RORB: variants seen among roughly 807,000 people sequenced by gnomAD.
RORB encodes the protein RAR related orphan receptor B, also known as nuclear receptor ROR-beta.
RORB carries 6 observed loss-of-function variants against 59.1 expected under a neutral mutation model. That is an observed-to-expected ratio of 0.10 (90% CI 0.06 to 0.20). The LOEUF is 0.20. Ranked by LOEUF, RORB falls within the 10% of genes least tolerant of loss-of-function variation. The pLI, the probability that RORB is intolerant of heterozygous loss-of-function variation, is 1.00. For synonymous variants in RORB, 215 were observed against 204.5 expected (o/e 1.05, Z -0.44); for missense variants, 320 against 560.5 (o/e 0.57, Z 4.33).
At chr9:74,628,459 C>G (rs369093395) in intron 1 of RORB, among the ~76,000 whole-genome samples, 1 of 152,130 alleles carries the variant, frequency 6.6e-6, no homozygotes, top group East Asian at 1.9e-4. Flanking sequence ...CAAATCACCT[C>G]AAAAGCAGAA....
intron 2 of RORB, among the ~76,000 whole-genome samples, chr9:74,630,623 C>CAGAG (rs757260484): frequency 9.9e-5 from 15 of 152,138 alleles, no homozygotes; most frequent in Non-Finnish European, 2.1e-4. Flanking sequence ...TTCACATTTA[C>CAGAG]AGAGATACAA....
chr9:74,641,303 A>T (rs1244213669), intron 3 of RORB, among the ~76,000 whole-genome samples: 3 of 152,162 alleles, frequency 2.0e-5, no homozygotes, highest in Admixed American at 2.0e-4. Context: ...AAGAAACAAC[A>T]CACTGAAATG....
intron 1 of RORB, among the ~76,000 whole-genome samples, chr9:74,557,605 T>C (rs1184302728): frequency 6.6e-6 from 1 of 152,154 alleles, no homozygotes. Flanking sequence ...ATACCAATAC[T>C]TATGATTTGG....
At chr9:74,540,812 T>C (rs967920535) in intron 1 of RORB, among the ~76,000 whole-genome samples, 2 of 152,166 alleles carry the variant, frequency 1.3e-5, no homozygotes, top group African/African-American at 4.8e-5. Flanking sequence ...TGCAGGTAAA[T>C]CTATCGGACA....
chr9:74,512,255 A>T (rs1177868246), intron 1 of RORB, among the ~76,000 whole-genome samples: 1 of 152,206 alleles, frequency 6.6e-6, no homozygotes, highest in East Asian at 1.9e-4. Context: ...ATTCCTAAGG[A>T]TGTTAAAGAA....
At chr9:74,504,226 A>T (rs1028220615) in intron 1 of RORB, among the ~76,000 whole-genome samples, 1 of 152,074 alleles carries the variant, frequency 6.6e-6, no homozygotes, top group Non-Finnish European at 1.5e-5. Flanking sequence ...TACACCTTGC[A>T]TAATAAGCAT....
At chr9:74,541,279 C>CAAAAAAAAAAAAAAAAAAAAAAA (rs374556016) in intron 1 of RORB, among the ~76,000 whole-genome samples, 2 of 43,574 alleles carry the variant, frequency 4.6e-5, no homozygotes, top group Admixed American at 3.4e-4. Context: ...GACTCCATCT[C>CAAAAAAAAAAAAAAAAAAAAAAA]AAAAAAAAAA....
intron 1 of RORB, among the ~76,000 whole-genome samples, chr9:74,530,489 T>C (rs563757320): frequency 1.2e-4 from 19 of 152,122 alleles, no homozygotes; most frequent in Non-Finnish European, 2.5e-4. Context: ...CCAGAGACGA[T>C]GGACCAAGTA....
chr9:74,582,107 G>C (rs553962057), intron 1 of RORB, among the ~76,000 whole-genome samples: 13 of 152,268 alleles, frequency 8.5e-5, no homozygotes, highest in African/African-American at 2.9e-4. Context: ...CAGCATGGAT[G>C]AAATAGTGCA....
intron 1 of RORB, among the ~76,000 whole-genome samples, chr9:74,514,698 G>T (rs1037998439): frequency 6.7e-6 from 1 of 148,714 alleles, no homozygotes; most frequent in Non-Finnish European, 1.5e-5. Context: ...TTATATATAC[G>T]TAAAATGAAT....
chr9:74,517,440 G>A (rs1050364531), intron 1 of RORB, among the ~76,000 whole-genome samples: 5 of 152,004 alleles, frequency 3.3e-5, no homozygotes, highest in African/African-American at 4.8e-5. Flanking sequence ...GCGTGGTGGT[G>A]TGGATATTAG....
At chr9:74,601,462 G>A (rs1823055107) in intron 1 of RORB, among the ~76,000 whole-genome samples, 2 of 151,474 alleles carry the variant, frequency 1.3e-5, no homozygotes, top group South Asian at 4.2e-4. Context: ...ATCTCCCCAA[G>A]GCAATCAGTT....
chr9:74,612,266 T>C (rs1226843660), intron 1 of RORB, among the ~76,000 whole-genome samples: 1 of 151,970 alleles, frequency 6.6e-6, no homozygotes, highest in Non-Finnish European at 1.5e-5. Context: ...GAGGTGGCAT[T>C]AAAAGGCAGA....
intron 3 of RORB, among the ~76,000 whole-genome samples, chr9:74,638,566 G>T (rs1435455271): frequency 1.3e-5 from 2 of 152,162 alleles, no homozygotes; most frequent in African/African-American, 4.8e-5. Flanking sequence ...GAGAGGGGCA[G>T]ACAGTTAAAA....
intron 1 of RORB, among the ~76,000 whole-genome samples, chr9:74,535,399 G>A (rs899242340): frequency 6.6e-6 from 1 of 151,934 alleles, no homozygotes; most frequent in Non-Finnish European, 1.5e-5. Flanking sequence ...ATATGTGTAT[G>A]TGTCTCTGGG....
At chr9:74,589,260 T>C (rs1822852072) in intron 1 of RORB, among the ~76,000 whole-genome samples, 1 of 152,214 alleles carries the variant, frequency 6.6e-6, no homozygotes, top group African/African-American at 2.4e-5. Flanking sequence ...AATGTTTAAA[T>C]GAAAGAATTT....
intron 9 of RORB, among the ~76,000 whole-genome samples, chr9:74,682,092 A>G (rs1040444662): frequency 6.6e-6 from 1 of 151,970 alleles, no homozygotes; most frequent in Admixed American, 6.6e-5. Context: ...AGACTGTGGG[A>G]GTGGAAGCAT....
intron 1 of RORB, among the ~76,000 whole-genome samples, chr9:74,510,091 C>A (rs1255339607): frequency 1.3e-5 from 2 of 152,032 alleles, no homozygotes; most frequent in East Asian, 1.9e-4. Flanking sequence ...TTAATGTAAA[C>A]TGTACTATAA....
intron 1 of RORB, among the ~76,000 whole-genome samples, chr9:74,526,077 C>T (rs1484408014): frequency 6.6e-6 from 1 of 151,872 alleles, no homozygotes; most frequent in Non-Finnish European, 1.5e-5. Flanking sequence ...CTATCAAAAA[C>T]TCTTCTAATT....
Sources: gnomAD v4.1 joint callset for allele counts (sites outside exome capture counted in the v4.1 genomes callset) on GRCh38, gnomAD v4.1.1 for gene constraint, MANE v1.5 for transcripts, NCBI Gene and HGNC (gene_info 2026-07-23, HGNC 2026-07-21) for gene names.